PDGFRB: variants seen among roughly 807,000 people sequenced by gnomAD.
PDGFRB encodes platelet-derived growth factor receptor beta.
A neutral mutation model predicts 120.2 loss-of-function variants in PDGFRB; 42 were observed. That is an observed-to-expected ratio of 0.35 (90% CI 0.27 to 0.45). The LOEUF (loss-of-function observed/expected upper bound fraction) is 0.45, where lower values mean the gene tolerates loss of function less well. Among genes scored for constraint, PDGFRB ranks in the 20% least tolerant of loss-of-function variants. PDGFRB has a pLI of 1.00. For synonymous variants in PDGFRB, 586 were observed against 606.8 expected (o/e 0.97, Z 0.50); for missense variants, 1,149 against 1,476.3 (o/e 0.78, Z 3.63).
intron 11 of PDGFRB, among the ~76,000 whole-genome samples, 178 bp downstream of exon 11, chr5:150,126,342 C>G (rs1219991806): frequency 6.6e-6 from 1 of 152,096 alleles, no homozygotes; most frequent in African/African-American, 2.4e-5. Context: ...CTCAGGTTGG[C>G]CCAGACTGCT....
At chr5:150,117,007 T>C (rs955389354) in intron 22 of PDGFRB, among the ~76,000 whole-genome samples, 1 of 152,176 alleles carries the variant, frequency 6.6e-6, no homozygotes, top group African/African-American at 2.4e-5. Flanking sequence ...GGAGCCCTTC[T>C]CTCCAGTTAA....
chr5:150,133,869 GC>G lies in PDGFRB; in HGVS notation c.759+11del. ...TGGCCCCTCCTCCGACCCCTGCCTG[GC>G]CCCACATTACTTCTTTGCGGGGGTA... On this transcript the variant is annotated intron_variant, in intron 5 of 22. Transcript: ENST00000261799. 4 of 1,614,012 alleles carry G rather than the reference GC, an allele frequency of 2.5e-6. No individual in the cohort carries two copies. Among genetic ancestry groups the G allele is most frequent in the Non-Finnish European group, 3.4e-6 (4 of 1,179,902 alleles).
intron 1 of PDGFRB, among the ~76,000 whole-genome samples, chr5:150,143,451 G>A (rs758284410): frequency 5.3e-5 from 8 of 152,206 alleles, no homozygotes; most frequent in Non-Finnish European, 8.8e-5. Flanking sequence ...TGCTGGGCTC[G>A]GGGTGGGGGT....
At chr5:150,116,814 C>T (rs1000124160) in intron 22 of PDGFRB, among the ~76,000 whole-genome samples, 2 of 152,092 alleles carry the variant, frequency 1.3e-5, no homozygotes, top group Non-Finnish European at 2.9e-5. Context: ...GCAATGAGGG[C>T]CTTCGGAGCC....
intron 10 of PDGFRB, among the ~76,000 whole-genome samples, chr5:150,128,065 C>G (rs1305435287): frequency 6.6e-6 from 1 of 152,158 alleles, no homozygotes; most frequent in African/African-American, 2.4e-5. Flanking sequence ...CCTCCCTCCT[C>G]CCGCTCATCA....
chr5:150,142,343 C>T (rs1246478410), intron 1 of PDGFRB, among the ~76,000 whole-genome samples: 4 of 152,212 alleles, frequency 2.6e-5, no homozygotes, highest in Non-Finnish European at 5.9e-5. Context: ...CCTGCCCTCT[C>T]CACAGCACAC....
chr5:150,140,658 T>C (rs988767471), intron 1 of PDGFRB, among the ~76,000 whole-genome samples: 1 of 150,496 alleles, frequency 6.6e-6, no homozygotes, highest in African/African-American at 2.5e-5. Context: ...GGGCCCCAAG[T>C]CTAGGGGAGC....
rs1190285128 is a variant in PDGFRB at position 150,120,691 on chromosome 5, A to G, written c.2586+197T>C. Among the ~76,000 whole-genome samples, 1 of 151,934 alleles carries G rather than the reference A, an allele frequency of 6.6e-6. No homozygotes were observed. The highest frequency in any genetic ancestry group is 2.4e-5 in the African/African-American group (1 of 41,340). ...CCCTCCCCGCCGCTATACTTGCTCC[A>G]TGCACTCCTGGGCGGCTCCCCATCC... On this transcript the variant is annotated intron_variant, in intron 18 of 22. Transcript: ENST00000261799. The surrounding 1 kb of genome is among the most constrained non-coding windows in gnomAD (Gnocchi z 4.3).
intron 20 of PDGFRB, among the ~76,000 whole-genome samples, chr5:150,119,189 T>C (rs1760055021): frequency 6.6e-6 from 1 of 152,208 alleles, no homozygotes. Context: ...CTGGGACTTT[T>C]GCTGGCACTA....
chr5:150,130,321 T>C (rs904562173), intron 9 of PDGFRB, among the ~76,000 whole-genome samples: 1 of 152,150 alleles, frequency 6.6e-6, no homozygotes, highest in Non-Finnish European at 1.5e-5. Context: ...GCTCAGACCC[T>C]GCACTTTGCT....
At chr5:150,128,360 G>C (rs1760356803) in intron 10 of PDGFRB, among the ~76,000 whole-genome samples, 1 of 152,224 alleles carries the variant, frequency 6.6e-6, no homozygotes, top group Admixed American at 6.5e-5. Flanking sequence ...TCCACCACAG[G>C]GCAGGGGACA....
intron 8 of PDGFRB, 78 bp from the exon 9 acceptor site, chr5:150,130,740 G>A (rs944586622): frequency 6.4e-6 from 8 of 1,257,568 alleles, no homozygotes; most frequent in African/African-American, 1.5e-5. Context: ...GGAGGACCTG[G>A]CCCAGAGACT....
At position 150,130,574 on chromosome 5, in the gene PDGFRB, C is replaced by T. The variant is rs751959209; in HGVS notation, c.1332G>A (p.Pro444=). 6.9e-6 allele frequency: 11 copies of T among 1,592,610 alleles called. No individual in the cohort carries two copies. Among genetic ancestry groups the T allele is most frequent in the South Asian group, 2.2e-5 (2 of 90,678 alleles). ...CTCTGCAGGCAGACCAGATGATGTT[C>T]GGCTGGGGCATGCCCCGGCCACGAC... ...VRCRGRGMPQ[P]NIIWSACRDL... The change falls in exon 9 of 23, where the codon CCG becomes CCA. Residue 444 remains proline, a synonymous_variant. Transcript: ENST00000261799.
rs541435069 is a variant in PDGFRB at position 150,114,727 on chromosome 5, C to T, written c.*1036G>A. The T allele has an allele frequency of 4.3e-6, 1 of 233,660 alleles. No individual in the cohort carries two copies. The highest frequency in any genetic ancestry group is 6.0e-5 in the East Asian group (1 of 16,580). 14.5% of individuals were successfully genotyped at this position (233,660 alleles called of 1,614,324 possible). The stretch of plus-strand genomic sequence containing the variant: ...AAGTTTAGGGTATATGGCCTTGCTT[C>T]ATCTGGACAAATGTGCAACCACCTG... On this transcript the variant is annotated 3_prime_UTR_variant, in exon 23 of 23. Transcript: ENST00000261799.
At chr5:150,117,589 T>C (rs1368562577) in intron 22 of PDGFRB, 29 bp downstream of exon 22, 2 of 1,205,892 alleles carry the variant, frequency 1.7e-6, no homozygotes, top group African/African-American at 3.0e-5. Flanking sequence ...CTGTGCACAA[T>C]TTCCTTGGCC....
In PDGFRB at chr5:150,130,586, G is replaced by A. The variant is rs779454635; in HGVS notation, c.1320C>T (p.Gly440=). Residue 440 remains glycine (G), a synonymous_variant, in exon 9 of 23, where the codon GGC becomes GGT. Coordinates refer to ENST00000261799, the MANE Select transcript of PDGFRB (RefSeq NM_002609.4). The part of the protein sequence containing the change: ...GEQTVRCRGR[G]MPQPNIIWSA... ...ACCAGATGATGTTCGGCTGGGGCAT[G>A]CCCCGGCCACGACAGCGGACTGTCT... 1.9e-5 allele frequency: 31 copies of A among 1,610,024 alleles called. 1 individual carries two copies. The highest frequency in any genetic ancestry group is 6.6e-5 in the South Asian group (6 of 90,868).
At chr5:150,134,113 T>G in intron 4 of PDGFRB, 105 bp from the exon 5 acceptor site, 1 of 1,003,900 alleles carries the variant, frequency 1.0e-6, no homozygotes, top group East Asian at 2.4e-5. Flanking sequence ...ATGACTGATG[T>G]AGAAGATTCA....
At chr5:150,129,992 G>A in intron 9 of PDGFRB, 24 bp from the exon 10 acceptor site, 1 of 1,588,544 alleles carries the variant, frequency 6.3e-7, no homozygotes, top group Non-Finnish European at 8.6e-7. Flanking sequence ...CGGTAGGGTT[G>A]GCTGCCAGCC....
intron 1 of PDGFRB, among the ~76,000 whole-genome samples, chr5:150,142,228 A>G (rs55915827): frequency 0.2 from 31,157 of 152,018 alleles, 4,772 homozygotes; most frequent in African/African-American, 0.42. Context: ...GGCTCGGGTG[A>G]TCGGTGGGGC....
Sources: allele counts gnomAD v4.1 joint callset (sites outside exome capture counted in the v4.1 genomes callset), GRCh38; gene constraint gnomAD v4.1.1; non-coding constraint Gnocchi (gnomAD v3.1); transcripts MANE v1.5; gene names NCBI Gene and HGNC (gene_info 2026-07-23, HGNC 2026-07-21).